KIAA0753: variants seen among roughly 807,000 people sequenced by gnomAD.
The protein encoded by KIAA0753 is KIAA0753.
In KIAA0753, 114 loss-of-function variants were observed where a neutral mutation model predicts 116.9. That is an observed-to-expected ratio of 0.98 (90% confidence interval 0.84 to 1.14). KIAA0753 has a LOEUF of 1.14. Among genes scored for constraint, KIAA0753 ranks in the 50% most tolerant of loss-of-function variants. The pLI, the probability that KIAA0753 is intolerant of heterozygous loss-of-function variation, is 0.00. For missense variants in KIAA0753, 1,156 were observed against 1,172.4 expected (o/e 0.99, Z 0.20); for synonymous variants, 405 against 413.1 (o/e 0.98, Z 0.24).
In KIAA0753 at chr17:6,579,837, A is replaced by G. The variant is rs766900381; in HGVS notation, c.2814T>C (p.Ala938=). 6.2e-7 allele frequency: 1 copy of G among 1,613,820 alleles called. No homozygotes were observed. The highest frequency in any genetic ancestry group is 8.5e-7 in the Non-Finnish European group (1 of 1,179,920). The change falls in exon 19 of 19, where the codon GCT becomes GCC. Residue 938 remains alanine (A), a synonymous_variant. Coordinates refer to ENST00000361413, the MANE Select transcript of KIAA0753 (RefSeq NM_014804.3). ...ESFSEELVDE[A]LGAVAAELQD... is the part of the protein sequence containing the mutation. ...GAAGTTCAGCAGCCACAGCACCCAG[A>G]GCTTCATCTACCAGCTCTTCTGAAA...
intron 10 of KIAA0753, 31 bp from the exon 11 acceptor site, chr17:6,607,301 T>C: frequency 1.9e-6 from 3 of 1,582,526 alleles, no homozygotes; most frequent in Non-Finnish European, 2.6e-6. Flanking sequence ...TCAAACCAAT[T>C]CTGCCTCGAC....
chr17:6,609,909 G>C, intron 9 of KIAA0753, 85 bp downstream of exon 9: 2 of 1,429,334 alleles, frequency 1.4e-6, no homozygotes, highest in Non-Finnish European at 1.9e-6. Flanking sequence ...TACTTAATTT[G>C]CTCCTTATAA....
intron 7 of KIAA0753, among the ~76,000 whole-genome samples, chr17:6,618,758 A>T (rs1333451176): frequency 6.6e-6 from 1 of 152,182 alleles, no homozygotes; most frequent in Non-Finnish European, 1.5e-5. Context: ...ACTGATATAT[A>T]TAACTTTCAA....
At chr17:6,632,804 ACAT>A (rs1972089374) in intron 2 of KIAA0753, among the ~76,000 whole-genome samples, 1 of 152,200 alleles carries the variant, frequency 6.6e-6, no homozygotes, top group Non-Finnish European at 1.5e-5. Flanking sequence ...CTGTGAGAAG[ACAT>A]CAGGCAAATC....
At chr17:6,606,810 A>C in intron 12 of KIAA0753, 63 bp downstream of exon 12, 2 of 1,404,174 alleles carry the variant, frequency 1.4e-6, no homozygotes, top group Non-Finnish European at 2.0e-6. Context: ...TGGTTGCTAG[A>C]ACTATCTAGA....
rs372155038 is a variant in KIAA0753 at position 6,622,905 on chromosome 17, T to C, written c.1081A>G (p.Ile361Val). 6 of 1,614,036 alleles carry C rather than the reference T, an allele frequency of 3.7e-6. No individual in the cohort carries two copies. Among genetic ancestry groups the C allele is most frequent in the Non-Finnish European group, 5.1e-6 (6 of 1,179,880 alleles). The stretch of plus-strand genomic sequence containing the variant: ...ACCTCAATTTGTTGCAGAATATCTA[T>C]AACCACATCAGGAACAGAAGGGTCT... ...DADPSVPDVVIDILQQIEALE... is the reference protein window; with the variant it reads ...DADPSVPDVVVDILQQIEALE... Residue 361 changes from isoleucine to valine, a missense_variant, in exon 6 of 19, where the codon ATA becomes GTA. By Grantham distance (29) the Ile-to-Val change is conservative. Transcript: ENST00000361413.
chr17:6,599,162 T>C, intron 14 of KIAA0753, 75 bp downstream of exon 14: 1 of 1,018,124 alleles, frequency 9.8e-7, no homozygotes, highest in Non-Finnish European at 1.6e-6. Flanking sequence ...CAAAGTAATC[T>C]GTATTTCATT....
chr17:6,629,827 T>C (rs1411939578), intron 2 of KIAA0753, among the ~76,000 whole-genome samples: 1 of 152,184 alleles, frequency 6.6e-6, no homozygotes, highest in Non-Finnish European at 1.5e-5. Flanking sequence ...AAAAAGTAGT[T>C]AGAAAGCTCA....
In KIAA0753 at chr17:6,617,684, A is replaced by G. The variant is rs150984151; in HGVS notation, c.1315+3104T>C. 5.4e-3 allele frequency among the ~76,000 whole-genome samples: 822 copies of G among 152,338 alleles called. 2 individuals are homozygous for G. Among genetic ancestry groups the G allele is most frequent in the Admixed American group, 9.9e-3 (152 of 15,304 alleles). ...GACTCCTGGATGGGAGCTGGTCACC[A>G]GAAAGACCATGCCATGATTAGAAGC... On this transcript the variant is annotated intron_variant, in intron 7 of 18. Coordinates refer to ENST00000361413, the MANE Select transcript of KIAA0753 (RefSeq NM_014804.3).
rs1161367753 is a variant in KIAA0753 at position 6,628,332 on chromosome 17, C to G, written c.503G>C (p.Ser168Thr). Residue 168 changes from serine (S) to threonine (T), a missense_variant, in exon 3 of 19, where the codon AGC becomes ACC. Physicochemically the swap from Ser to Thr is moderately conservative, Grantham distance 58 (BLOSUM62 1). Coordinates refer to ENST00000361413, the MANE Select transcript of KIAA0753 (RefSeq NM_014804.3). ...SHQPSKVEIS[S>T]SGAKVYLYSS... ...GTAAAGGTATACTTTGGCACCAGAG[C>G]TGGAGATTTCTACTTTGGATGGCTG... 1 of 1,614,146 alleles carries G rather than the reference C, an allele frequency of 6.2e-7. No individual in the cohort carries two copies. The highest frequency in any genetic ancestry group is 8.5e-7 in the Non-Finnish European group (1 of 1,180,018).
intron 18 of KIAA0753, 111 bp downstream of exon 18, chr17:6,589,668 G>A (rs1426052542): frequency 1.4e-6 from 1 of 712,890 alleles, no homozygotes; most frequent in East Asian, 3.0e-5. Flanking sequence ...TGAAACTCCA[G>A]GGCCCAAAAG....
rs770814855 is a variant in KIAA0753, at chr17:6,635,065, T to C, written c.39A>G (p.Leu13=). ...TCCCATCAAGTTGGGTCCTAGGTGCTAGATGAACACAGGTTGAAGCTGGCT... is the reference window on the plus strand; with the variant it reads ...TCCCATCAAGTTGGGTCCTAGGTGCCAGATGAACACAGGTTGAAGCTGGCT... ...PGQPASTCVH[L]APRTQLDGRS... is the part of the protein sequence containing the mutation. The change falls in exon 2 of 19, where the codon CTA becomes CTG. Residue 13 remains leucine, a synonymous_variant. Transcript: ENST00000361413. The C allele has an allele frequency of 5.6e-6, 9 of 1,614,030 alleles. No homozygotes were observed. The South Asian group carries it at 8.8e-5, about 16-fold the overall frequency.
chr17:6,599,944 A>T (rs1969745590), intron 13 of KIAA0753, among the ~76,000 whole-genome samples: 1 of 152,160 alleles, frequency 6.6e-6, no homozygotes, highest in African/African-American at 2.4e-5. Flanking sequence ...TCTTGGTGGT[A>T]CCATCTATAA....
intron 7 of KIAA0753, among the ~76,000 whole-genome samples, chr17:6,614,743 C>T (rs148082617): frequency 6.6e-6 from 1 of 152,310 alleles, no homozygotes; most frequent in Admixed American, 6.5e-5. Flanking sequence ...AGTTACTCCT[C>T]ATCAGCCCTG....
chr17:6,634,259 C>G (rs972919814), intron 2 of KIAA0753, among the ~76,000 whole-genome samples: 1 of 152,074 alleles, frequency 6.6e-6, no homozygotes, highest in Non-Finnish European at 1.5e-5. Context: ...TGCACCACCA[C>G]GCCCAGCTAA....
intron 12 of KIAA0753, among the ~76,000 whole-genome samples, chr17:6,604,040 G>A (rs1023045110): frequency 1.3e-5 from 2 of 152,098 alleles, no homozygotes; most frequent in African/African-American, 4.8e-5. Context: ...ACTGCTGGTG[G>A]GAACAGACAG....
At chr17:6,595,410 G>C (rs899750727) in intron 15 of KIAA0753, among the ~76,000 whole-genome samples, 1 of 152,038 alleles carries the variant, frequency 6.6e-6, no homozygotes, top group South Asian at 2.1e-4. Context: ...CTACTGTTTT[G>C]AGCACCCCGG....
chr17:6,623,236 G>T, intron 5 of KIAA0753, 139 bp from the exon 6 acceptor site: 1 of 889,952 alleles, frequency 1.1e-6, no homozygotes, highest in South Asian at 1.8e-5. Flanking sequence ...ATAGTAAAGG[G>T]AGTTGTAAAG....
At chr17:6,632,479 G>T (rs1972071899) in intron 2 of KIAA0753, among the ~76,000 whole-genome samples, 1 of 151,878 alleles carries the variant, frequency 6.6e-6, no homozygotes, top group African/African-American at 2.4e-5. Context: ...TAGAAGGAAG[G>T]GTAAAATTAG....
Sources: gnomAD v4.1 joint callset for allele counts (sites outside exome capture counted in the v4.1 genomes callset) on GRCh38, gnomAD v4.1.1 for gene constraint, MANE v1.5 for transcripts, NCBI Gene and HGNC (gene_info 2026-07-23, HGNC 2026-07-21) for gene names.